Variants in IMMP2L observed in about 807,000 individuals in gnomAD.
IMMP2L encodes inner mitochondrial membrane peptidase subunit 2.
In IMMP2L, 18 loss-of-function variants were observed where a neutral mutation model predicts 19.3. The ratio of observed to expected loss-of-function variants is 0.93; its 90% CI spans 0.64 to 1.38. IMMP2L has a LOEUF of 1.38. Among genes scored for constraint, IMMP2L ranks in the 40% most tolerant of loss-of-function variants. IMMP2L has a pLI of 0.00. For synonymous variants in IMMP2L, 76 were observed against 73.0 expected (o/e 1.04, Z -0.21); for missense variants, 233 against 218.2 (o/e 1.07, Z -0.43).
At chr7:111,167,018 G>A (rs549820976) in intron 3 of IMMP2L, among the ~76,000 whole-genome samples, 3 of 152,012 alleles carry the variant, frequency 2.0e-5, no homozygotes, top group East Asian at 1.9e-4. Context: ...CGGAGGGGGG[G>A]CAGGTCACCA....
At chr7:111,167,918 T>G (rs1446722363) in intron 3 of IMMP2L, among the ~76,000 whole-genome samples, 1 of 151,996 alleles carries the variant, frequency 6.6e-6, no homozygotes, top group Non-Finnish European at 1.5e-5. Context: ...TTAACTACTC[T>G]GCTTATTTTT....
At chr7:110,774,551 C>T (rs901705911) in intron 5 of IMMP2L, among the ~76,000 whole-genome samples, 3 of 152,058 alleles carry the variant, frequency 2.0e-5, no homozygotes, top group Non-Finnish European at 4.4e-5. Context: ...TTATGTGCCA[C>T]ATAATGACAT....
At chr7:111,304,553 G>A (rs1822619872) in intron 3 of IMMP2L, among the ~76,000 whole-genome samples, 1 of 151,770 alleles carries the variant, frequency 6.6e-6, no homozygotes, top group Non-Finnish European at 1.5e-5. Context: ...ATATATATGT[G>A]TGTGTGTACA....
At chr7:110,840,383 A>G (rs1804949351) in intron 5 of IMMP2L, among the ~76,000 whole-genome samples, 1 of 152,122 alleles carries the variant, frequency 6.6e-6, no homozygotes, top group African/African-American at 2.4e-5. Flanking sequence ...TACACAGATG[A>G]TCTATTAAGG....
chr7:111,195,913 C>T lies in IMMP2L; in HGVS notation c.240-232348G>A, dbSNP rs184852977. ...TTTTATTTTTGCTCTATCACCAAGG[C>T]GGGACTTCACCAACACAATCACGGC... On this transcript the variant is annotated intron_variant, in intron 3 of 5. Transcript: ENST00000405709. 1.0e-3 allele frequency among the ~76,000 whole-genome samples: 158 copies of T among 151,940 alleles called. 1 individual carries two copies. The highest frequency in any genetic ancestry group is 3.6e-3 in the African/African-American group (149 of 41,422).
At chr7:111,556,018 G>GTATA (rs1554550149) in intron 1 of IMMP2L, among the ~76,000 whole-genome samples, 12,557 of 91,420 alleles carry the variant, frequency 0.14, 1,337 homozygotes, top group African/African-American at 0.19. Flanking sequence ...CTGTGTGCAT[G>GTATA]TATATATATA....
chr7:110,854,134 A>C (rs988916103), intron 5 of IMMP2L, among the ~76,000 whole-genome samples: 2 of 152,024 alleles, frequency 1.3e-5, no homozygotes, highest in African/African-American at 4.8e-5. Flanking sequence ...TATATTTTAA[A>C]TATAGGCATT....
intron 5 of IMMP2L, among the ~76,000 whole-genome samples, chr7:110,713,028 A>G (rs181385687): frequency 1.3e-5 from 2 of 152,274 alleles, no homozygotes; most frequent in African/African-American, 4.8e-5. Flanking sequence ...CCATCTTCGT[A>G]TGACTCTTGT....
intron 3 of IMMP2L, among the ~76,000 whole-genome samples, chr7:111,084,339 C>G (rs1796130290): frequency 6.7e-6 from 1 of 149,382 alleles, no homozygotes; most frequent in Non-Finnish European, 1.5e-5. Flanking sequence ...AAGAAGAAAG[C>G]CAGTTTAGGG....
chr7:110,886,594 G>A lies in IMMP2L; in HGVS notation c.407C>T (p.Pro136Leu), dbSNP rs1015515204. The A allele has an allele frequency of 9.0e-6, 14 of 1,553,394 alleles. No homozygotes were observed. The highest frequency in any genetic ancestry group is 4.5e-5 in the South Asian group (4 of 89,738). The change falls in exon 5 of 6, where the codon CCG (proline) becomes CTG (leucine). Residue 136 changes from proline to leucine, a missense_variant and splice_region_variant. Physicochemically the swap from Pro to Leu is moderately conservative, Grantham distance 98. Coordinates refer to ENST00000405709, the MANE Select transcript of IMMP2L (RefSeq NM_032549.4). Reference sequence around the variant, plus strand: ...ACAAGAAGATAAAAGATGACTTACCGGCCCAAAAGAATTACTGTCAAAACT... The same window carrying A: ...ACAAGAAGATAAAAGATGACTTACCAGCCCAAAAGAATTACTGTCAAAACT... ...GHSFDSNSFG[P>L]VSLGLLHAHA...
At chr7:111,132,636 G>T (rs1263276070) in intron 3 of IMMP2L, among the ~76,000 whole-genome samples, 1 of 151,964 alleles carries the variant, frequency 6.6e-6, no homozygotes, top group Non-Finnish European at 1.5e-5. Flanking sequence ...GTTCTTAGGA[G>T]TTCTACTTTA....
At chr7:110,936,436 A>G (rs1427850044) in intron 4 of IMMP2L, among the ~76,000 whole-genome samples, 1 of 152,238 alleles carries the variant, frequency 6.6e-6, no homozygotes, top group African/African-American at 2.4e-5. Context: ...GTGGCCAACA[A>G]ACACATGGAA....
At chr7:110,834,103 T>C (rs971287226) in intron 5 of IMMP2L, among the ~76,000 whole-genome samples, 3 of 152,226 alleles carry the variant, frequency 2.0e-5, no homozygotes, top group Admixed American at 6.5e-5. Context: ...ATTTCATTGG[T>C]TGTTCTAAGT....
At chr7:110,721,945 G>C (rs528645833) in intron 5 of IMMP2L, among the ~76,000 whole-genome samples, 120 of 152,230 alleles carry the variant, frequency 7.9e-4, no homozygotes, top group Middle Eastern at 6.8e-3. Context: ...CAGAATTGAA[G>C]TGCTGTAATA....
At chr7:110,956,369 T>C (rs529434717) in intron 4 of IMMP2L, among the ~76,000 whole-genome samples, 1 of 152,118 alleles carries the variant, frequency 6.6e-6, no homozygotes, top group African/African-American at 2.4e-5. Context: ...ACACACTTCT[T>C]GACAACAGCA....
At chr7:111,117,391 T>C (rs892286640) in intron 3 of IMMP2L, among the ~76,000 whole-genome samples, 10 of 152,058 alleles carry the variant, frequency 6.6e-5, no homozygotes, top group Non-Finnish European at 1.3e-4. Flanking sequence ...TGTCCCCAGT[T>C]ACAAAATCAT....
At chr7:110,732,166 G>A (rs1235502878) in intron 5 of IMMP2L, among the ~76,000 whole-genome samples, 2 of 152,132 alleles carry the variant, frequency 1.3e-5, no homozygotes, top group Admixed American at 1.3e-4. Flanking sequence ...CCTGGGGAAG[G>A]GGGTAGTGGG....
intron 3 of IMMP2L, among the ~76,000 whole-genome samples, chr7:110,975,806 T>TA (rs1320833165): frequency 2.0e-5 from 3 of 152,072 alleles, no homozygotes; most frequent in Non-Finnish European, 4.4e-5. Context: ...TTACCACACA[T>TA]AAAAAATGAA....
At chr7:110,892,444 G>A (rs563799673) in intron 4 of IMMP2L, among the ~76,000 whole-genome samples, 2 of 151,970 alleles carry the variant, frequency 1.3e-5, no homozygotes, top group Non-Finnish European at 1.5e-5. Flanking sequence ...TCTGTACTCC[G>A]CTGCATGGTG....
Sources: gnomAD v4.1 joint callset for allele counts (sites outside exome capture counted in the v4.1 genomes callset) on GRCh38, gnomAD v4.1.1 for gene constraint, MANE v1.5 for transcripts, NCBI Gene and HGNC (gene_info 2026-07-23, HGNC 2026-07-21) for gene names.